STAT4: variants seen among roughly 807,000 people sequenced by gnomAD.
STAT4 encodes signal transducer and activator of transcription 4.
A neutral mutation model predicts 110.5 loss-of-function variants in STAT4; 42 were observed. That is an observed-to-expected ratio of 0.38 (90% confidence interval 0.30 to 0.49). The LOEUF (loss-of-function observed/expected upper bound fraction) is 0.49, where lower values mean the gene tolerates loss of function less well. Among genes scored for constraint, STAT4 ranks in the 20% least tolerant of loss-of-function variants. The pLI is 0.95. For synonymous variants in STAT4, 284 were observed against 302.2 expected, an observed-to-expected ratio of 0.94 and a Z score of 0.63; for missense variants, 632 against 887.9, an observed-to-expected ratio of 0.71 and a Z score of 3.66.
chr2:191,120,724 G>C (rs1304045394), intron 3 of STAT4, among the ~76,000 whole-genome samples: 1 of 152,194 alleles, frequency 6.6e-6, no homozygotes, highest in Admixed American at 6.5e-5. Flanking sequence ...CTAGCCATAT[G>C]TAGAAAGCGG....
At chr2:191,121,715 G>C (rs1173087949) in intron 3 of STAT4, among the ~76,000 whole-genome samples, 3 of 133,446 alleles carry the variant, frequency 2.2e-5, no homozygotes. Flanking sequence ...GGTGGGAATC[G>C]AAAAATGAGA....
intron 3 of STAT4, among the ~76,000 whole-genome samples, chr2:191,128,043 T>C (rs191930058): frequency 4.6e-5 from 7 of 152,332 alleles, no homozygotes; most frequent in Admixed American, 4.6e-4. Context: ...TGATCCCATA[T>C]TAGGCATCAA....
Position 191,032,012 on chromosome 2 carries a change from C to A in STAT4, c.2045-496G>T, listed in dbSNP as rs1695910419. The stretch of plus-strand genomic sequence containing the variant: ...CCTCACCTTGGAAAAATTCCCCAAA[C>A]TTCTCTGGTATACCATGTTGAACTA... On this transcript the variant is annotated intron_variant, in intron 21 of 23. Transcript: ENST00000392320. The surrounding 1 kb of genome is among the most constrained non-coding windows in gnomAD (Gnocchi z 4.9). Among the ~76,000 whole-genome samples, 1 of 152,236 alleles carries A rather than the reference C, an allele frequency of 6.6e-6. No individual in the cohort carries two copies.
At chr2:191,109,578 C>T (rs139133603) in intron 3 of STAT4, among the ~76,000 whole-genome samples, 1 of 152,154 alleles carries the variant, frequency 6.6e-6, no homozygotes, top group African/African-American at 2.4e-5. Flanking sequence ...GGGTCATATG[C>T]CTTGTTAAAG....
rs1000767826 is a variant in STAT4, at chr2:191,107,762, C to T, written c.274-31437G>A. ...TTTTCAACCCAGATTACTACCATAC[C>T]TTCCTGATGTCCTAACGTATGGTCA... On this transcript the variant is annotated intron_variant, in intron 3 of 23. Transcript: ENST00000392320. This position sits in a 1 kb window ranked among gnomAD's most constrained non-coding sequence, Gnocchi z 4.2. Among the ~76,000 whole-genome samples the T allele has an allele frequency of 1.3e-5, 2 of 152,170 alleles. No individual in the cohort carries two copies. Among genetic ancestry groups the T allele is most frequent in the Non-Finnish European group, 1.5e-5 (1 of 68,032 alleles).
At chr2:191,045,204 G>A (rs1411638998) in intron 14 of STAT4, among the ~76,000 whole-genome samples, 2 of 152,138 alleles carry the variant, frequency 1.3e-5, no homozygotes, top group Non-Finnish European at 2.9e-5. Context: ...CCTCTGGGGA[G>A]GAGTTTGACA....
rs1251065203 is a variant in STAT4, at chr2:191,042,249, A to G, written c.1252-1101T>C. 1.3e-5 allele frequency among the ~76,000 whole-genome samples: 2 copies of G among 152,226 alleles called. No individual in the cohort carries two copies. The highest frequency in any genetic ancestry group is 2.9e-5 in the Non-Finnish European group (2 of 68,038). ...AATTATTAACAGCAAGCTAATGATC[A>G]TCAGGCATTTGACAAAGACTTTCAC... On this transcript the variant is annotated intron_variant, in intron 14 of 23. Coordinates refer to ENST00000392320, the MANE Select transcript of STAT4 (RefSeq NM_003151.4). The surrounding 1 kb of genome is among the most constrained non-coding windows in gnomAD (Gnocchi z 4.2).
Position 191,058,452 on chromosome 2 carries a change from C to T in STAT4, c.1095-233G>A, listed in dbSNP as rs1334812416. Among the ~76,000 whole-genome samples, 1 of 152,054 alleles carries T rather than the reference C, an allele frequency of 6.6e-6. No individual in the cohort carries two copies. The highest frequency in any genetic ancestry group is 2.1e-4 in the South Asian group (1 of 4,810). ...AGCTGGGATTACAGGCATGAGCCGC[C>T]GCACCCGGTCTCTATGATACTTTAA... On this transcript the variant is annotated intron_variant, in intron 11 of 23. Transcript: ENST00000392320. The surrounding 1 kb of genome is among the most constrained non-coding windows in gnomAD (Gnocchi z 4.3).
At chr2:191,065,451 T>G (rs946542974) in intron 7 of STAT4, among the ~76,000 whole-genome samples, 20 of 152,192 alleles carry the variant, frequency 1.3e-4, no homozygotes, top group Admixed American at 3.9e-4. Context: ...GATATGAATT[T>G]CTGTTCTGGC....
chr2:191,128,923 T>C (rs2125410054), intron 3 of STAT4, among the ~76,000 whole-genome samples: 2 of 152,326 alleles, frequency 1.3e-5, no homozygotes, highest in Middle Eastern at 3.4e-3. Flanking sequence ...GCCATAGAAG[T>C]TCCCATAATT....
chr2:191,109,068 T>C (rs1229768489), intron 3 of STAT4, among the ~76,000 whole-genome samples: 1 of 152,236 alleles, frequency 6.6e-6, no homozygotes, highest in Admixed American at 6.5e-5. Flanking sequence ...CAATGCACTA[T>C]TAAGTGTATC....
At chr2:191,100,563 C>T (rs1175086023) in intron 3 of STAT4, among the ~76,000 whole-genome samples, 2 of 152,080 alleles carry the variant, frequency 1.3e-5, no homozygotes, top group African/African-American at 4.8e-5. Flanking sequence ...AGATTTGTTC[C>T]CCAAGCATCA....
rs533981998 is a variant in STAT4 at position 191,083,386 on chromosome 2, G to A, written c.274-7061C>T. Among the ~76,000 whole-genome samples the A allele has an allele frequency of 2.0e-5, 3 of 152,246 alleles. No individual in the cohort carries two copies. Among genetic ancestry groups the A allele is most frequent in the South Asian group, 2.1e-4 (1 of 4,820 alleles). On this transcript the variant is annotated intron_variant, in intron 3 of 23. Transcript: ENST00000392320. The surrounding 1 kb of genome is among the most constrained non-coding windows in gnomAD (Gnocchi z 4.6). ...CATCAGCTCTTGTCATCTATCATTA[G>A]CAATGAAAAAAGATGGGATACTGGC...
intron 3 of STAT4, among the ~76,000 whole-genome samples, chr2:191,124,111 C>T (rs1359271939): frequency 6.6e-6 from 1 of 151,998 alleles, no homozygotes; most frequent in African/African-American, 2.4e-5. Flanking sequence ...ATATTCATTG[C>T]AATAAGGCAA....
rs984924014 is a variant in STAT4 at position 191,104,207 on chromosome 2, A to G, written c.274-27882T>C. Among the ~76,000 whole-genome samples, 1 of 152,208 alleles carries G rather than the reference A, an allele frequency of 6.6e-6. No individual in the cohort carries two copies. Among genetic ancestry groups the G allele is most frequent in the East Asian group, 1.9e-4 (1 of 5,204 alleles). On this transcript the variant is annotated intron_variant, in intron 3 of 23. Transcript: ENST00000392320. The surrounding 1 kb of genome is among the most constrained non-coding windows in gnomAD (Gnocchi z 4.3). ...ATCTGGATGATAGAATTATGGATAA[A>G]TATTTTTTTCTTTTTGTCCTTCTTC...
chr2:191,036,259 C>T lies in STAT4; in HGVS notation c.1475G>A (p.Ser492Asn), dbSNP rs1389143163. The change falls in exon 17 of 24, where the codon AGT becomes AAT. Residue 492 changes from serine (S) to asparagine (N), a missense_variant. This residue lies in a region of STAT4 where 488 missense variants were observed against 632.8 expected (regional missense o/e 0.77). Transcript: ENST00000392320. Reference protein sequence around the residue: ...FFNNPPPATLSQLLEVMSWQF... With the variant: ...FFNNPPPATLNQLLEVMSWQF... ...CCAGCTCATCACCTCCAGTAGTTGACTCAATGTGGCAGGTGGAGGATTATT... is the reference window on the plus strand; with the variant it reads ...CCAGCTCATCACCTCCAGTAGTTGATTCAATGTGGCAGGTGGAGGATTATT... 2 of 1,613,994 alleles carry T rather than the reference C, an allele frequency of 1.2e-6. No homozygotes were observed. Among genetic ancestry groups the T allele is most frequent in the African/African-American group, 2.7e-5 (2 of 74,892 alleles).
chr2:191,063,277 A>C (rs1451782449), intron 8 of STAT4, among the ~76,000 whole-genome samples: 19 of 152,176 alleles, frequency 1.2e-4, no homozygotes, highest in Admixed American at 1.2e-3. Flanking sequence ...ACTAAAGGGC[A>C]AAAAAAGAGC....
At chr2:191,081,935 G>A (rs1253291298) in intron 3 of STAT4, among the ~76,000 whole-genome samples, 1 of 151,484 alleles carries the variant, frequency 6.6e-6, no homozygotes, top group Non-Finnish European at 1.5e-5. Flanking sequence ...CATCATGCTG[G>A]AAGTTAAGTG....
rs571362913 is a variant in STAT4, at chr2:191,114,736, A to G, written c.273+31877T>C. On this transcript the variant is annotated intron_variant, in intron 3 of 23. Coordinates refer to ENST00000392320, the MANE Select transcript of STAT4 (RefSeq NM_003151.4). ...TGCCATAGGGCTACTGCTGTAGATC[A>G]TGCTTCTTTACGGGCTGCAGAGCTG... is the stretch of plus-strand genomic sequence containing the variant. 2.6e-5 allele frequency among the ~76,000 whole-genome samples: 4 copies of G among 152,278 alleles called. No individual in the cohort carries two copies. In the East Asian group the frequency reaches 7.7e-4, roughly 29 times the overall value.
Sources: gnomAD v4.1 joint callset for allele counts (sites outside exome capture counted in the v4.1 genomes callset) on GRCh38, gnomAD v4.1.1 for gene constraint, gnomAD v4.1.1 regional missense constraint, Gnocchi (gnomAD v3.1) non-coding constraint, MANE v1.5 for transcripts, NCBI Gene and HGNC (gene_info 2026-07-23, HGNC 2026-07-21) for gene names.